The following ZFHX4 variants were observed in gnomAD, a reference collection of about 807,000 sequenced individuals.
ZFHX4 encodes zinc finger homeobox 4, also known as zinc finger homeobox protein 4.
ZFHX4 carries 56 observed loss-of-function variants against 267.6 expected under a neutral mutation model. That is an observed-to-expected ratio of 0.21 (90% CI 0.17 to 0.26). The LOEUF is 0.26. Among genes scored for constraint, ZFHX4 ranks in the 10% least tolerant of loss-of-function variants. The pLI is 1.00. For synonymous variants in ZFHX4, 1,778 were observed against 1,665.6 expected (o/e 1.07, Z -1.64); for missense variants, 4,332 against 4,420.0 (o/e 0.98, Z 0.56).
chr8:76,857,938 G>T (rs995398594), intron 10 of ZFHX4, among the ~76,000 whole-genome samples: 1 of 151,516 alleles, frequency 6.6e-6, no homozygotes, highest in African/African-American at 2.4e-5. Flanking sequence ...TATATGGAAA[G>T]ATTTCTGTGA....
At chr8:76,801,355 T>C (rs1407017694) in intron 4 of ZFHX4, among the ~76,000 whole-genome samples, 1 of 152,234 alleles carries the variant, frequency 6.6e-6, no homozygotes, top group African/African-American at 2.4e-5. Context: ...TTTATTAAGA[T>C]TTCTGCATTT....
intron 4 of ZFHX4, among the ~76,000 whole-genome samples, chr8:76,785,525 C>T (rs911729459): frequency 3.3e-5 from 5 of 152,088 alleles, no homozygotes; most frequent in Admixed American, 2.6e-4. Flanking sequence ...ACTTAAGTTT[C>T]CTACAAGTGG....
rs1288958735 is a variant in ZFHX4, at chr8:76,855,315, C to T, written c.8394C>T (p.Thr2798=). 1 of 1,613,506 alleles carries T rather than the reference C, an allele frequency of 6.2e-7. No individual in the cohort carries two copies. ...PAEAGYDQNK[T]DFDETSSINT... ...AGGCTGGGTATGATCAAAATAAAACCGATTTTGATGAGACTTCATCGATTA... is the reference window on the plus strand; with the variant it reads ...AGGCTGGGTATGATCAAAATAAAACTGATTTTGATGAGACTTCATCGATTA... Residue 2798 remains threonine, a synonymous_variant, in exon 10 of 11, where the codon ACC becomes ACT. Coordinates refer to ENST00000651372, the MANE Select transcript of ZFHX4 (RefSeq NM_024721.5).
At chr8:76,734,274 G>A (rs773013761) in intron 3 of ZFHX4, among the ~76,000 whole-genome samples, 2 of 152,098 alleles carry the variant, frequency 1.3e-5, no homozygotes, top group Admixed American at 1.3e-4. Context: ...ATTTTGAATG[G>A]GAATTAAGCT....
intron 3 of ZFHX4, among the ~76,000 whole-genome samples, chr8:76,770,527 T>C (rs1014918069): frequency 3.9e-5 from 6 of 152,078 alleles, no homozygotes; most frequent in African/African-American, 1.4e-4. Flanking sequence ...TGCTGGACAT[T>C]ATTTAGGAAT....
chr8:76,757,477 G>A (rs902278115), intron 3 of ZFHX4, among the ~76,000 whole-genome samples: 70 of 152,088 alleles, frequency 4.6e-4, no homozygotes, highest in African/African-American at 1.6e-3. Context: ...TGAGTGTGAT[G>A]GTCAACCACT....
intron 3 of ZFHX4, among the ~76,000 whole-genome samples, chr8:76,712,185 T>C (rs1808442468): frequency 1.3e-5 from 2 of 152,132 alleles, no homozygotes; most frequent in Non-Finnish European, 2.9e-5. Flanking sequence ...TGGGATTTAG[T>C]CCTAGGTAAC....
chr8:76,708,793 A>G (rs1808347082), intron 3 of ZFHX4, among the ~76,000 whole-genome samples: 1 of 151,918 alleles, frequency 6.6e-6, no homozygotes, highest in East Asian at 2.0e-4. Context: ...CTAAACCCTA[A>G]TTACTGATTA....
chr8:76,717,657 C>A (rs187091911), intron 3 of ZFHX4, among the ~76,000 whole-genome samples: 73 of 152,252 alleles, frequency 4.8e-4, no homozygotes, highest in Non-Finnish European at 2.4e-4. Context: ...AGTTCAGTGG[C>A]GTGATCACTG....
intron 3 of ZFHX4, among the ~76,000 whole-genome samples, chr8:76,777,991 G>A (rs1470801699): frequency 2.0e-5 from 3 of 151,066 alleles, no homozygotes; most frequent in African/African-American, 4.9e-5. Context: ...TTATAAAGCT[G>A]GCGTGCTGCT....
intron 3 of ZFHX4, among the ~76,000 whole-genome samples, chr8:76,711,759 A>G (rs1182073819): frequency 6.6e-6 from 1 of 152,060 alleles, no homozygotes; most frequent in Non-Finnish European, 1.5e-5. Context: ...GTCTAGTAAA[A>G]AGATATAATG....
intron 4 of ZFHX4, among the ~76,000 whole-genome samples, chr8:76,783,168 A>G (rs1810597162): frequency 6.6e-6 from 1 of 152,006 alleles, no homozygotes; most frequent in Admixed American, 6.6e-5. Context: ...TCTTATAAAG[A>G]TAATTATTAC....
chr8:76,772,082 A>C (rs1045693416), intron 3 of ZFHX4, among the ~76,000 whole-genome samples: 1 of 152,058 alleles, frequency 6.6e-6, no homozygotes, highest in Non-Finnish European at 1.5e-5. Flanking sequence ...TTATCCCTAA[A>C]ATGGAAGGTA....
Position 76,706,583 on chromosome 8 carries a change from C to A in ZFHX4, c.2495C>A (p.Thr832Asn), listed in dbSNP as rs770837856. The A allele has an allele frequency of 6.2e-7, 1 of 1,610,976 alleles. No homozygotes were observed. The highest frequency in any genetic ancestry group is 8.5e-7 in the Non-Finnish European group (1 of 1,178,790). ...TACCTAGCCCAGAACATAGGCCTGACCGGAATGAAGCTGGAAAACCCTGCC... is the reference window on the plus strand; with the variant it reads ...TACCTAGCCCAGAACATAGGCCTGAACGGAATGAAGCTGGAAAACCCTGCC... ...QYYLAQNIGL[T>N]GMKLENPADP... is the part of the protein sequence containing the mutation. Residue 832 changes from threonine (T) to asparagine (N), a missense_variant, in exon 2 of 11, where the codon ACC becomes AAC. Physicochemically the swap from Thr to Asn is moderately conservative, Grantham distance 65. Around this residue, in one of 7 missense-constraint regions of ZFHX4, gnomAD observed 1,195 missense variants for 1,173.6 expected, o/e 1.02. Coordinates refer to ENST00000651372, the MANE Select transcript of ZFHX4 (RefSeq NM_024721.5).
intron 4 of ZFHX4, among the ~76,000 whole-genome samples, chr8:76,795,543 C>CT (rs1204209981): frequency 0.018 from 2,226 of 125,294 alleles, 45 homozygotes; most frequent in African/African-American, 0.026. Flanking sequence ...TGATCCAAGT[C>CT]TTTTTTTTTT....
At chr8:76,726,308 T>C (rs762420219) in intron 3 of ZFHX4, among the ~76,000 whole-genome samples, 2 of 152,184 alleles carry the variant, frequency 1.3e-5, no homozygotes, top group Non-Finnish European at 2.9e-5. Flanking sequence ...TTTATTTGTG[T>C]TGTTTTGGAT....
At position 76,705,847 on chromosome 8, in the gene ZFHX4, A is replaced by C. The variant is rs1357209199; in HGVS notation, c.1759A>C (p.Thr587Pro). 3 of 1,613,546 alleles carry C rather than the reference A, an allele frequency of 1.9e-6. No homozygotes were observed. The Admixed American group carries it at 5.0e-5, about 27-fold the overall frequency. Residue 587 changes from threonine to proline, a missense_variant, in exon 2 of 11, where the codon ACT becomes CCT. Coordinates refer to ENST00000651372, the MANE Select transcript of ZFHX4 (RefSeq NM_024721.5). ...IARGDEDSSA[T>P]PHQHGFTPST... ...CCGGGGAGACGAAGACAGTTCAGCC[A>C]CTCCTCACCAGCATGGCTTTACCCC...
intron 5 of ZFHX4, among the ~76,000 whole-genome samples, chr8:76,836,527 C>G (rs2728452): frequency 0.56 from 84,489 of 151,692 alleles, 24,998 homozygotes; most frequent in African/African-American, 0.77. Flanking sequence ...GCAGAGTCTG[C>G]GAAAATGTAC....
At chr8:76,686,039 G>T (rs1407937706) in intron 1 of ZFHX4, among the ~76,000 whole-genome samples, 1 of 152,170 alleles carries the variant, frequency 6.6e-6, no homozygotes, top group Non-Finnish European at 1.5e-5. Context: ...CAAAATAAAA[G>T]ATTGTGACTT....
Sources: allele counts gnomAD v4.1 joint callset (sites outside exome capture counted in the v4.1 genomes callset), GRCh38; gene constraint gnomAD v4.1.1; regional missense constraint gnomAD v4.1.1; transcripts MANE v1.5; gene names NCBI Gene and HGNC (gene_info 2026-07-23, HGNC 2026-07-21).